Variants in SLC20A2 observed in about 807,000 individuals in gnomAD.
The protein encoded by SLC20A2 is solute carrier family 20 member 2.
SLC20A2 carries 30 observed loss-of-function variants against 61.0 expected under a neutral mutation model. The observed-to-expected ratio is 0.49, with a 90% CI of 0.37 to 0.67. The LOEUF is 0.67. Ranked by LOEUF, SLC20A2 falls within the 30% of genes least tolerant of loss-of-function variation. The pLI is 0.00. For synonymous variants in SLC20A2, 351 were observed against 353.3 expected (o/e 0.99, Z 0.07); for missense variants, 626 against 866.4 (o/e 0.72, Z 3.48).
At chr8:42,441,183 T>C (rs1296911282) in intron 6 of SLC20A2, among the ~76,000 whole-genome samples, 7 of 151,362 alleles carry the variant, frequency 4.6e-5, no homozygotes. Context: ...TCACTCTTTT[T>C]GCCCAGGCTA....
At chr8:42,444,508 G>A in intron 6 of SLC20A2, 138 bp downstream of exon 6, 1 of 680,780 alleles carries the variant, frequency 1.5e-6, no homozygotes, top group East Asian at 2.7e-5. Flanking sequence ...CTCAGGAACG[G>A]AGAGACAGAG....
intron 1 of SLC20A2, among the ~76,000 whole-genome samples, chr8:42,474,444 A>G (rs1004433746): frequency 6.6e-6 from 1 of 152,166 alleles, no homozygotes; most frequent in African/African-American, 2.4e-5. Flanking sequence ...AGCCTTTGCA[A>G]TTTTGGAGAT....
At chr8:42,536,570 G>A (rs1282765451) in intron 1 of SLC20A2, 1 of 152,222 alleles carries the variant, frequency 6.6e-6, no homozygotes, top group Non-Finnish European at 1.5e-5. Context: ...GACTTTCAGA[G>A]AAATACCACT....
At chr8:42,447,159 T>C (rs1805275639) in intron 5 of SLC20A2, among the ~76,000 whole-genome samples, 1 of 151,370 alleles carries the variant, frequency 6.6e-6, no homozygotes, top group Non-Finnish European at 1.5e-5. Flanking sequence ...CTGAGCAACA[T>C]AGTGAGACCC....
chr8:42,444,701 C>G lies in SLC20A2; in HGVS notation c.675G>C (p.Leu225=), dbSNP rs1183598680. ...CGAAGAGCCACACAAAAAAAGCGAA[C>G]AGGAGGGCGACACCAAAGGAAATGA... The part of the protein sequence containing the change: ...IALISFGVAL[L]FAFFVWLFVC... Residue 225 remains leucine (L), a synonymous_variant, in exon 6 of 11, where the codon CTG becomes CTC. Transcript: ENST00000520262. 1 of 1,613,976 alleles carries G rather than the reference C, an allele frequency of 6.2e-7. No homozygotes were observed. The highest frequency in any genetic ancestry group is 1.1e-5 in the South Asian group (1 of 91,082).
Position 42,417,218 on chromosome 8 carries a change from T to C in SLC20A2, c.*585A>G, listed in dbSNP as rs1420640340. 2.6e-5 allele frequency: 4 copies of C among 152,834 alleles called. No homozygotes were observed. Among genetic ancestry groups the C allele is most frequent in the Non-Finnish European group, 5.9e-5 (4 of 68,340 alleles). 9.5% of individuals were successfully genotyped at this position (152,834 alleles called of 1,614,324 possible). A position where few individuals can be genotyped will look rare whatever the true frequency, so the allele number is the denominator to read the frequency against. On this transcript the variant is annotated 3_prime_UTR_variant, in exon 11 of 11. Coordinates refer to ENST00000520262, the MANE Select transcript of SLC20A2 (RefSeq NM_001257180.2). The stretch of plus-strand genomic sequence containing the variant: ...TGATGATATATTACACAACAATCAA[T>C]ACACAGTATATGAACAAATCTTCAG...
intron 1 of SLC20A2, among the ~76,000 whole-genome samples, chr8:42,538,751 T>C (rs1425394833): frequency 6.6e-6 from 1 of 152,252 alleles, no homozygotes; most frequent in Admixed American, 6.5e-5. Flanking sequence ...AGGAAACACA[T>C]CATTTAAATG....
intron 2 of SLC20A2, among the ~76,000 whole-genome samples, chr8:42,469,469 G>GGAA (rs1346220454): frequency 6.6e-6 from 1 of 152,184 alleles, no homozygotes; most frequent in Admixed American, 6.5e-5. Flanking sequence ...CCAGGGGTGG[G>GGAA]GAACGGAGAA....
At chr8:42,523,217 C>T (rs1199740060) in intron 1 of SLC20A2, among the ~76,000 whole-genome samples, 2 of 152,122 alleles carry the variant, frequency 1.3e-5, no homozygotes, top group African/African-American at 4.8e-5. Flanking sequence ...GTAGTCCCAG[C>T]TACTACGGAG....
intron 5 of SLC20A2, among the ~76,000 whole-genome samples, chr8:42,454,785 G>A (rs1267512196): frequency 2.0e-5 from 3 of 151,922 alleles, no homozygotes; most frequent in Non-Finnish European, 4.4e-5. Flanking sequence ...TGCCAAGGCT[G>A]GTCTTGAACA....
At chr8:42,457,049 G>T (rs545472088) in intron 5 of SLC20A2, among the ~76,000 whole-genome samples, 24 of 151,680 alleles carry the variant, frequency 1.6e-4, no homozygotes, top group African/African-American at 5.6e-4. Context: ...TCAGCCTCCC[G>T]GGTAGCTGGG....
chr8:42,500,996 C>A (rs1018911147), intron 1 of SLC20A2, 35 bp downstream of exon 1: 1 of 152,146 alleles, frequency 6.6e-6, no homozygotes, highest in South Asian at 2.1e-4. Context: ...GAGAAAAGAA[C>A]AAAGAGAAGT....
chr8:42,491,382 G>T (rs1809499375), intron 1 of SLC20A2, among the ~76,000 whole-genome samples: 1 of 152,110 alleles, frequency 6.6e-6, no homozygotes, highest in Non-Finnish European at 1.5e-5. Context: ...GCACATGCCT[G>T]TAATCCCAGC....
At chr8:42,533,300 C>A (rs1812457216) in intron 1 of SLC20A2, among the ~76,000 whole-genome samples, 1 of 152,106 alleles carries the variant, frequency 6.6e-6, no homozygotes, top group Admixed American at 6.6e-5. Context: ...TCGTTCTAAT[C>A]AACAAACTAC....
intron 1 of SLC20A2, chr8:42,540,981 A>G (rs1178249206): frequency 6.6e-6 from 1 of 152,274 alleles, no homozygotes; most frequent in Non-Finnish European, 1.5e-5. Flanking sequence ...GCCACGCACC[A>G]TTTAGGACGG....
chr8:42,513,705 T>C (rs1811153327), intron 1 of SLC20A2, among the ~76,000 whole-genome samples: 1 of 152,086 alleles, frequency 6.6e-6, no homozygotes, highest in African/African-American at 2.4e-5. Context: ...AGAAAAGAAA[T>C]GAATAGGATC....
chr8:42,481,138 G>A (rs1808521320), intron 1 of SLC20A2, among the ~76,000 whole-genome samples: 1 of 152,140 alleles, frequency 6.6e-6, no homozygotes, highest in South Asian at 2.1e-4. Context: ...ACTGTTTGAA[G>A]CTAATGCTTA....
intron 1 of SLC20A2, among the ~76,000 whole-genome samples, chr8:42,531,911 C>T (rs548771223): frequency 2.6e-5 from 4 of 151,746 alleles, no homozygotes; most frequent in African/African-American, 7.3e-5. Context: ...CTCGGCCTCC[C>T]GGGTTCAAGA....
chr8:42,480,219 C>T (rs568456970), intron 1 of SLC20A2, among the ~76,000 whole-genome samples: 8 of 152,278 alleles, frequency 5.3e-5, no homozygotes, highest in African/African-American at 1.7e-4. Flanking sequence ...ATATGACCTC[C>T]GCTATGTTTA....
Sources: allele counts gnomAD v4.1 joint callset (sites outside exome capture counted in the v4.1 genomes callset), GRCh38; gene constraint gnomAD v4.1.1; transcripts MANE v1.5; gene names NCBI Gene and HGNC (gene_info 2026-07-23, HGNC 2026-07-21).